HEATR5A: variants seen among roughly 807,000 people sequenced by gnomAD.
The protein encoded by HEATR5A is HEAT repeat-containing protein 5A.
HEATR5A carries 178 observed loss-of-function variants against 218.8 expected under a neutral mutation model. The ratio of observed to expected loss-of-function variants is 0.81; its 90% CI spans 0.72 to 0.92. The LOEUF (loss-of-function observed/expected upper bound fraction) is 0.92. Ranked by LOEUF, HEATR5A falls within the 40% of genes least tolerant of loss-of-function variation. HEATR5A has a pLI of 0.00. For synonymous variants in HEATR5A, 864 were observed against 871.6 expected (o/e 0.99, Z 0.15); for missense variants, 2,420 against 2,418.9 (o/e 1.00, Z -0.01).
At chr14:31,330,686 G>C (rs1356952840) in intron 22 of HEATR5A, among the ~76,000 whole-genome samples, 1 of 151,746 alleles carries the variant, frequency 6.6e-6, no homozygotes, top group African/African-American at 2.4e-5. Flanking sequence ...AGCTATTCGG[G>C]AGGCTGAGGC....
intron 14 of HEATR5A, among the ~76,000 whole-genome samples, chr14:31,360,107 T>G (rs992310963): frequency 2.6e-5 from 4 of 151,624 alleles, no homozygotes. Flanking sequence ...AATTTCCAAC[T>G]ATCTCATAAA....
intron 9 of HEATR5A, 85 bp from the exon 10 acceptor site, chr14:31,383,856 G>T: frequency 1.0e-6 from 1 of 964,638 alleles, no homozygotes; most frequent in Non-Finnish European, 1.5e-6. Flanking sequence ...ATAGCCACAT[G>T]GATATAAAAT....
chr14:31,295,535 CCA>C (rs1021362408), intron 34 of HEATR5A: 6 of 156,294 alleles, frequency 3.8e-5, no homozygotes, highest in African/African-American at 1.2e-4. Context: ...CAGGTATGAG[CCA>C]CAGTGCCTGG....
chr14:31,407,352 GT>G (rs2139315993), intron 1 of HEATR5A, among the ~76,000 whole-genome samples: 1 of 152,238 alleles, frequency 6.6e-6, no homozygotes, highest in East Asian at 1.9e-4. Context: ...AGAACATCAG[GT>G]TCCTTGGTGT....
Position 31,306,757 on chromosome 14 carries a change from C to T in HEATR5A, c.4941G>A (p.Val1647=). The part of the protein sequence containing the change: ...RQIICAAQEH[V]KEKRRSAEVD... ...CTTCTGCACTTCGTCTTTTTTCCTT[C>T]ACATGTTCTTGAGCAGCACAGATAA... The change falls in exon 31 of 36, where the codon GTG becomes GTA. Residue 1647 remains valine, a synonymous_variant. Coordinates refer to ENST00000543095, the MANE Select transcript of HEATR5A (RefSeq NM_015473.4). 2 of 1,610,402 alleles carry T rather than the reference C, an allele frequency of 1.2e-6. No homozygotes were observed. The highest frequency in any genetic ancestry group is 1.7e-6 in the Non-Finnish European group (2 of 1,178,412).
chr14:31,334,343 A>G, intron 22 of HEATR5A: 1 of 446,498 alleles, frequency 2.2e-6, no homozygotes, highest in African/African-American at 2.0e-5. Context: ...ATAAGGCTAC[A>G]GCTGCCACAG....
rs528220201 is a variant in HEATR5A at position 31,306,859 on chromosome 14, C to T, written c.4839G>A (p.Leu1613=). The T allele has an allele frequency of 2.4e-5, 39 of 1,611,828 alleles. No individual in the cohort carries two copies. The highest frequency in any genetic ancestry group is 3.3e-5 in the Admixed American group (2 of 59,784). The stretch of plus-strand genomic sequence containing the variant: ...TTAAAATTACTCGATGTAGAACATT[C>T]AGCAATTCTATACCCAAGTCCTATC... ...GSDQDLGIEL[L]NVLHRVILTR... The change falls in exon 31 of 36, where the codon CTG becomes CTA. Residue 1613 remains leucine, a synonymous_variant. Transcript: ENST00000543095.
Position 31,319,907 on chromosome 14 carries a change from G to A in HEATR5A, c.3969+1592C>T, listed in dbSNP as rs192108508. Among the ~76,000 whole-genome samples, 154 of 152,084 alleles carry A rather than the reference G, an allele frequency of 1.0e-3. No individual in the cohort carries two copies. In the Middle Eastern group the frequency reaches 0.014, roughly 13 times the overall value. On this transcript the variant is annotated intron_variant, in intron 25 of 35. Coordinates refer to ENST00000543095, the MANE Select transcript of HEATR5A (RefSeq NM_015473.4). ...AAAAAAACACAAAAATTAGCCGAGC[G>A]TGGTGGCGTGTGGCTGTAGTTACAG...
chr14:31,310,151 A>AT (rs147309147), intron 28 of HEATR5A, among the ~76,000 whole-genome samples: 8,940 of 151,208 alleles, frequency 0.059, 384 homozygotes, highest in Non-Finnish European at 0.089. Flanking sequence ...AACATACGCT[A>AT]TTTTTTTTTG....
rs1324653010 is a variant in HEATR5A at position 31,337,468 on chromosome 14, A to T, written c.3367+8T>A. 2 of 1,547,022 alleles carry T rather than the reference A, an allele frequency of 1.3e-6. No individual in the cohort carries two copies. Among genetic ancestry groups the T allele is most frequent in the African/African-American group, 2.7e-5 (2 of 73,052 alleles). ...TGAGCTGGACATAATCTTGATCAAG[A>T]GAATTACCTGGAGTCAACTCTTCTC... On this transcript the variant is annotated splice_region_variant and intron_variant, in intron 22 of 35. Coordinates refer to ENST00000543095, the MANE Select transcript of HEATR5A (RefSeq NM_015473.4).
At chr14:31,298,768 C>T (rs995842781) in intron 33 of HEATR5A, among the ~76,000 whole-genome samples, 1 of 152,120 alleles carries the variant, frequency 6.6e-6, no homozygotes, top group Admixed American at 6.6e-5. Flanking sequence ...ATGTCCACCT[C>T]CTTTTTTTCC....
chr14:31,326,103 T>C, intron 23 of HEATR5A, 60 bp downstream of exon 23: 1 of 1,364,918 alleles, frequency 7.3e-7, no homozygotes, highest in Non-Finnish European at 1.0e-6. Flanking sequence ...TGGTAAACAA[T>C]TTTATGTAAA....
intron 14 of HEATR5A, among the ~76,000 whole-genome samples, chr14:31,359,538 C>T (rs1166817186): frequency 2.0e-5 from 3 of 151,400 alleles, no homozygotes; most frequent in Non-Finnish European, 4.4e-5. Context: ...ACCAGCTTGG[C>T]CAACATGGTG....
At chr14:31,302,136 T>TTCTA (rs1484220225) in intron 33 of HEATR5A, 159 bp downstream of exon 33, 2 of 609,824 alleles carry the variant, frequency 3.3e-6, no homozygotes, top group African/African-American at 3.7e-5. Flanking sequence ...CCGGCCAATT[T>TTCTA]TCTATCTACT....
intron 1 of HEATR5A, among the ~76,000 whole-genome samples, chr14:31,417,085 C>CA (rs542877562): frequency 9.2e-5 from 14 of 151,414 alleles, no homozygotes; most frequent in South Asian, 2.1e-4. Flanking sequence ...ATAAATAAAA[C>CA]AAAAAAAACC....
chr14:31,315,988 T>C (rs1163942652), intron 26 of HEATR5A, 39 bp from the exon 27 acceptor site: 2 of 1,460,894 alleles, frequency 1.4e-6, no homozygotes, highest in African/African-American at 1.4e-5. Context: ...TTTAAAATTA[T>C]AAGTATCTCC....
intron 24 of HEATR5A, among the ~76,000 whole-genome samples, chr14:31,322,275 A>G (rs1900131843): frequency 6.6e-6 from 1 of 152,234 alleles, no homozygotes; most frequent in African/African-American, 2.4e-5. Context: ...ATCATTTAAC[A>G]GAAGAAATCA....
At chr14:31,414,210 A>G (rs929388753) in intron 1 of HEATR5A, among the ~76,000 whole-genome samples, 1 of 152,206 alleles carries the variant, frequency 6.6e-6, no homozygotes, top group Non-Finnish European at 1.5e-5. Flanking sequence ...CTTTTCTTGT[A>G]TCTCCCACCA....
At chr14:31,404,126 C>T (rs138592847) in intron 1 of HEATR5A, among the ~76,000 whole-genome samples, 155 of 152,210 alleles carry the variant, frequency 1.0e-3, no homozygotes, top group African/African-American at 3.5e-3. Context: ...CACAAGTTGG[C>T]TATTAAAAAA....
Sources: gnomAD v4.1 joint callset for allele counts (sites outside exome capture counted in the v4.1 genomes callset) on GRCh38, gnomAD v4.1.1 for gene constraint, MANE v1.5 for transcripts, NCBI Gene and HGNC (gene_info 2026-07-23, HGNC 2026-07-21) for gene names.